Variants in ATP6V0A4 observed in about 807,000 individuals in gnomAD.
ATP6V0A4 encodes V-type proton ATPase 116 kDa subunit a 4.
A neutral mutation model predicts 107.3 loss-of-function variants in ATP6V0A4; 86 were observed. The observed-to-expected ratio is 0.80, with a 90% CI of 0.67 to 0.96. The LOEUF is 0.96. Among genes scored for constraint, ATP6V0A4 ranks in the 40% least tolerant of loss-of-function variants. The pLI is 0.00. For missense variants in ATP6V0A4, 908 were observed against 1,045.6 expected (o/e 0.87, Z 1.81); for synonymous variants, 353 against 381.4 (o/e 0.93, Z 0.87).
chr7:138,736,922 T>A (rs981913410), intron 15 of ATP6V0A4, among the ~76,000 whole-genome samples: 7 of 151,636 alleles, frequency 4.6e-5, no homozygotes, highest in Non-Finnish European at 1.0e-4. Flanking sequence ...CATAGAGATG[T>A]TAACGTGCTC....
At chr7:138,779,764 ATAGT>A (rs1563018432) in intron 2 of ATP6V0A4, among the ~76,000 whole-genome samples, 1 of 152,220 alleles carries the variant, frequency 6.6e-6, no homozygotes, top group African/African-American at 2.4e-5. Flanking sequence ...AAAATTAACA[ATAGT>A]TAAATACTGA....
chr7:138,730,206 A>G (rs1194067693), intron 17 of ATP6V0A4, among the ~76,000 whole-genome samples: 1 of 152,150 alleles, frequency 6.6e-6, no homozygotes. Context: ...TAAATGTCCA[A>G]AAGAGGAAGG....
chr7:138,745,286 C>T lies in ATP6V0A4; in HGVS notation c.1321-6G>A, dbSNP rs766226322. On this transcript the variant is annotated splice_region_variant and splice_polypyrimidine_tract_variant and intron_variant, in intron 13 of 21. Transcript: ENST00000310018. ...TGGAAGAAGGTGTTCCAAATCTGGC[C>T]TCAGAGAGACAGAGAGGATGATTGT... 5 of 1,613,892 alleles carry T rather than the reference C, an allele frequency of 3.1e-6. No individual in the cohort carries two copies. The highest frequency in any genetic ancestry group is 4.2e-6 in the Non-Finnish European group (5 of 1,179,960).
rs180701403 is a variant in ATP6V0A4, at chr7:138,747,656, C to T, written c.1181-92G>A. On this transcript the variant is annotated intron_variant, in intron 12 of 21. Transcript: ENST00000310018. ...CTGCCACAGCTCCACGATTTGCATG[C>T]GGGTTTCCTTAAGCCTTTCTGGTTG... The T allele has an allele frequency of 2.7e-5, 42 of 1,557,790 alleles. 1 individual carries two copies. The highest frequency in any genetic ancestry group is 2.4e-4 in the East Asian group (10 of 42,294).
intron 8 of ATP6V0A4, 28 bp downstream of exon 8, chr7:138,759,724 G>A: frequency 6.2e-7 from 1 of 1,613,722 alleles, no homozygotes; most frequent in Non-Finnish European, 8.5e-7. Context: ...AAGTCTCAGA[G>A]AAAGTTTTTG....
chr7:138,757,409 G>A (rs1806566188), intron 8 of ATP6V0A4, among the ~76,000 whole-genome samples: 1 of 152,156 alleles, frequency 6.6e-6, no homozygotes, highest in Non-Finnish European at 1.5e-5. Flanking sequence ...CCAGCTACCA[G>A]GAAGGCTGAG....
Position 138,721,907 on chromosome 7 carries a change from T to C in ATP6V0A4, c.2129A>G (p.His710Arg), listed in dbSNP as rs371213982. 314 of 1,613,948 alleles carry C rather than the reference T, an allele frequency of 1.9e-4. No individual in the cohort carries two copies. Among genetic ancestry groups the C allele is most frequent in the Non-Finnish European group, 2.4e-4 (286 of 1,179,990 alleles). ...TCTCGTCCCAGATACCTCTTCTCCA[T>C]GGTCGTCCAGAGCCCCGTGGGTATC... ...SADTHGALDD[H>R]GEEFNFGDVF... is the part of the protein sequence containing the mutation. The change falls in exon 19 of 22, where the codon CAT becomes CGT. Residue 710 changes from histidine to arginine, a missense_variant. By Grantham distance (29) the His-to-Arg change is conservative. Transcript: ENST00000310018.
intron 11 of ATP6V0A4, among the ~76,000 whole-genome samples, chr7:138,751,022 C>T (rs980348004): frequency 6.6e-6 from 1 of 152,114 alleles, no homozygotes; most frequent in South Asian, 2.1e-4. Context: ...CGCCCCCAAC[C>T]TTCCCATGCT....
At chr7:138,733,175 G>A in intron 16 of ATP6V0A4, 82 bp from the exon 17 acceptor site, 1 of 1,579,366 alleles carries the variant, frequency 6.3e-7, no homozygotes. Flanking sequence ...AAGCACAAAA[G>A]CACAAAATGT....
intron 8 of ATP6V0A4, 125 bp downstream of exon 8, chr7:138,759,627 G>GA: frequency 3.8e-6 from 4 of 1,066,192 alleles, no homozygotes; most frequent in Non-Finnish European, 2.8e-6. Context: ...AAAAAAAGGA[G>GA]AAAAAAAGGA....
At chr7:138,720,687 AGT>A (rs1804383860) in intron 19 of ATP6V0A4, among the ~76,000 whole-genome samples, 1 of 145,682 alleles carries the variant, frequency 6.9e-6, no homozygotes, top group East Asian at 2.0e-4. Context: ...CCAGGCTGGG[AGT>A]ACAGTGGCAT....
chr7:138,706,895 T>A, intron 21 of ATP6V0A4, 178 bp from the exon 22 acceptor site: 1 of 559,714 alleles, frequency 1.8e-6, no homozygotes, highest in South Asian at 8.1e-5. Flanking sequence ...GAGGATTTTT[T>A]TTTTTTTTTT....
chr7:138,740,951 T>C (rs1805607489), intron 14 of ATP6V0A4, among the ~76,000 whole-genome samples: 1 of 151,046 alleles, frequency 6.6e-6, no homozygotes, highest in Non-Finnish European at 1.5e-5. Context: ...AAGACCAGCC[T>C]GGCCAACAAT....
intron 5 of ATP6V0A4, among the ~76,000 whole-genome samples, chr7:138,767,735 C>G (rs970065824): frequency 6.6e-6 from 1 of 151,902 alleles, no homozygotes; most frequent in Non-Finnish European, 1.5e-5. Context: ...GTTCCACTGC[C>G]GAGGATAAAA....
At chr7:138,728,414 A>T (rs1804825411) in intron 18 of ATP6V0A4, among the ~76,000 whole-genome samples, 1 of 151,862 alleles carries the variant, frequency 6.6e-6, no homozygotes, top group Non-Finnish European at 1.5e-5. Context: ...TTTAGTAGAG[A>T]TGGGGTTTCG....
At chr7:138,744,002 G>C (rs1214940763) in intron 14 of ATP6V0A4, among the ~76,000 whole-genome samples, 1 of 151,980 alleles carries the variant, frequency 6.6e-6, no homozygotes, top group Non-Finnish European at 1.5e-5. Context: ...CCCCATAAAA[G>C]TCTCCATTCC....
chr7:138,709,509 G>T, intron 21 of ATP6V0A4, 115 bp downstream of exon 21: 1 of 924,646 alleles, frequency 1.1e-6, no homozygotes, highest in Non-Finnish European at 1.8e-6. Flanking sequence ...CTCCAAAGAG[G>T]TATGTAAGCT....
rs1491339515 is a variant in ATP6V0A4 at position 138,784,323 on chromosome 7, T to TATGTA, written c.-18+1834_-18+1835insTACAT. ...ACACACACACATATATATATATGTA[T>TATGTA]TTTTTTTTTTTTTGAGATGGAGTCT... On this transcript the variant is annotated intron_variant, in intron 2 of 21. Transcript: ENST00000310018. Among the ~76,000 whole-genome samples, 1,073 of 112,142 alleles carry TATGTA rather than the reference T, an allele frequency of 9.6e-3. 20 individuals carry two copies. Among genetic ancestry groups the TATGTA allele is most frequent in the African/African-American group, 0.048 (999 of 20,926 alleles). 73.6% of individuals were successfully genotyped at this position (112,142 alleles called of 152,430 possible).
chr7:138,718,277 GC>G (rs1194443014), intron 19 of ATP6V0A4, among the ~76,000 whole-genome samples: 1 of 28,000 alleles, frequency 3.6e-5, no homozygotes, highest in African/African-American at 1.9e-4. Context: ...GGAAGGAATG[GC>G]GGTGTGTGTG....
Sources: gnomAD v4.1 joint callset for allele counts (sites outside exome capture counted in the v4.1 genomes callset) on GRCh38, gnomAD v4.1.1 for gene constraint, MANE v1.5 for transcripts, NCBI Gene and HGNC (gene_info 2026-07-23, HGNC 2026-07-21) for gene names.